Variants in DACH1 observed in about 807,000 individuals in gnomAD.
DACH1 encodes the protein dachshund family transcription factor 1.
Under a neutral mutation model 54.2 loss-of-function variants are expected in DACH1, and 12 were observed. The observed-to-expected ratio is 0.22, with a 90% CI of 0.14 to 0.36. The LOEUF is 0.36. DACH1 is among the 10% of genes least tolerant of loss of function. DACH1 has a pLI of 1.00. For synonymous variants in DACH1, 386 were observed against 366.2 expected (o/e 1.05, Z -0.62); for missense variants, 805 against 929.8 (o/e 0.87, Z 1.75).
intron 1 of DACH1, among the ~76,000 whole-genome samples, chr13:71,768,546 A>T (rs1056177594): frequency 6.6e-6 from 1 of 151,972 alleles, no homozygotes; most frequent in Non-Finnish European, 1.5e-5. Flanking sequence ...AATAAATAAG[A>T]TGTTTTTAAA....
chr13:71,752,487 T>TC (rs1884971049), intron 1 of DACH1, among the ~76,000 whole-genome samples: 1 of 83,188 alleles, frequency 1.2e-5, no homozygotes, highest in Non-Finnish European at 4.1e-5. Context: ...TCTCTCTTCC[T>TC]TTCTCTCTCT....
intron 1 of DACH1, among the ~76,000 whole-genome samples, chr13:71,727,085 G>A (rs1883506198): frequency 6.6e-6 from 1 of 151,876 alleles, no homozygotes; most frequent in Admixed American, 6.6e-5. Flanking sequence ...TGAGAAACAA[G>A]TCTTCAAAAA....
chr13:71,687,491 G>A, intron 1 of DACH1, among the ~76,000 whole-genome samples: 1 of 152,106 alleles, frequency 6.6e-6, no homozygotes, highest in Non-Finnish European at 1.5e-5. Context: ...AGACTGAAAG[G>A]AAATATGCTA....
intron 1 of DACH1, among the ~76,000 whole-genome samples, chr13:71,682,709 T>A (rs1045863979): frequency 6.6e-6 from 1 of 152,140 alleles, no homozygotes; most frequent in Non-Finnish European, 1.5e-5. Flanking sequence ...TAGCATCTCA[T>A]ATGTACCTTT....
chr13:71,602,281 C>T (rs1267439447), intron 3 of DACH1, among the ~76,000 whole-genome samples: 1 of 151,972 alleles, frequency 6.6e-6, no homozygotes, highest in Non-Finnish European at 1.5e-5. Flanking sequence ...AAATAAACTG[C>T]ATAATTGCAA....
At chr13:71,705,215 A>G (rs1286937458) in intron 1 of DACH1, among the ~76,000 whole-genome samples, 1 of 152,222 alleles carries the variant, frequency 6.6e-6, no homozygotes, top group African/African-American at 2.4e-5. Context: ...AGACTGTCAT[A>G]AATCTTGGAC....
intron 4 of DACH1, among the ~76,000 whole-genome samples, chr13:71,569,284 G>A (rs1413560760): frequency 6.6e-6 from 1 of 151,950 alleles, no homozygotes; most frequent in African/African-American, 2.4e-5. Context: ...TCTAACACAG[G>A]TATCGACAAA....
chr13:71,476,841 CT>C (rs1052015193), intron 8 of DACH1, among the ~76,000 whole-genome samples: 2 of 151,496 alleles, frequency 1.3e-5, no homozygotes, highest in Non-Finnish European at 2.9e-5. Context: ...ATGCATTTTT[CT>C]TTAAAATTAT....
chr13:71,623,341 A>T (rs1876386209), intron 3 of DACH1, among the ~76,000 whole-genome samples: 1 of 151,716 alleles, frequency 6.6e-6, no homozygotes, highest in Admixed American at 6.6e-5. Flanking sequence ...ATGACATTTT[A>T]AAATAATCTA....
At chr13:71,628,727 C>A (rs943400478) in intron 3 of DACH1, among the ~76,000 whole-genome samples, 4 of 152,044 alleles carry the variant, frequency 2.6e-5, no homozygotes, top group African/African-American at 9.7e-5. Flanking sequence ...AAGTAAGCTA[C>A]AATTTGGTTA....
intron 1 of DACH1, among the ~76,000 whole-genome samples, chr13:71,786,353 C>T (rs1397667202): frequency 6.6e-6 from 1 of 152,090 alleles, no homozygotes; most frequent in African/African-American, 2.4e-5. Context: ...CCTTGCATCC[C>T]ATCAGGATGG....
chr13:71,533,505 C>G (rs1280942087), intron 6 of DACH1, among the ~76,000 whole-genome samples: 2 of 151,892 alleles, frequency 1.3e-5, no homozygotes, highest in East Asian at 3.9e-4. Flanking sequence ...AAGTCATGAC[C>G]ACAGTTATTT....
At position 71,440,332 on chromosome 13, in the gene DACH1, A is replaced by T. The variant is rs1181508146; in HGVS notation, c.*323T>A. 2 of 216,850 alleles carry T rather than the reference A, an allele frequency of 9.2e-6. No homozygotes were observed. Among genetic ancestry groups the T allele is most frequent in the African/African-American group, 4.7e-5 (2 of 42,656 alleles). The allele number at this position is 216,850 out of a possible 1,614,324, so 13.4% of individuals were successfully genotyped here. Reference sequence around the variant, plus strand: ...AGAGGAAAATGGTTCATTCCATTAGAAAAAAACAAAGCTAGGTCTTATTCA... The same window carrying T: ...AGAGGAAAATGGTTCATTCCATTAGTAAAAAACAAAGCTAGGTCTTATTCA... On this transcript the variant is annotated 3_prime_UTR_variant, in exon 11 of 11. Transcript: ENST00000613252.
intron 3 of DACH1, among the ~76,000 whole-genome samples, chr13:71,574,358 C>A (rs181344603): frequency 1.3e-5 from 2 of 152,154 alleles, no homozygotes; most frequent in African/African-American, 4.8e-5. Flanking sequence ...TACAAACTAT[C>A]CACTTAGAGG....
intron 2 of DACH1, among the ~76,000 whole-genome samples, chr13:71,666,757 G>A (rs1345265207): frequency 6.6e-6 from 1 of 152,132 alleles, no homozygotes; most frequent in Non-Finnish European, 1.5e-5. Flanking sequence ...CAAGGCAGGT[G>A]GGTCACCTGA....
At chr13:71,586,434 G>GTA (rs1367766320) in intron 3 of DACH1, among the ~76,000 whole-genome samples, 2 of 152,082 alleles carry the variant, frequency 1.3e-5, no homozygotes, top group African/African-American at 4.8e-5. Flanking sequence ...GGTGCAAAGT[G>GTA]TATATCACAC....
At chr13:71,488,219 T>C (rs755330034) in intron 7 of DACH1, among the ~76,000 whole-genome samples, 7 of 152,174 alleles carry the variant, frequency 4.6e-5, no homozygotes, top group Non-Finnish European at 8.8e-5. Context: ...ACCAGCACAC[T>C]ATCAGCAACT....
At chr13:71,463,327 A>G (rs1876268282) in intron 10 of DACH1, among the ~76,000 whole-genome samples, 1 of 151,980 alleles carries the variant, frequency 6.6e-6, no homozygotes, top group African/African-American at 2.4e-5. Flanking sequence ...ATGCAAGCTA[A>G]TGAAAATGCC....
At chr13:71,525,851 T>A (rs1340951179) in intron 6 of DACH1, among the ~76,000 whole-genome samples, 3 of 152,146 alleles carry the variant, frequency 2.0e-5, no homozygotes, top group Non-Finnish European at 4.4e-5. Flanking sequence ...ATGGAAATTA[T>A]GAGATATCAC....
Sources: gnomAD v4.1 joint callset for allele counts (sites outside exome capture counted in the v4.1 genomes callset) on GRCh38, gnomAD v4.1.1 for gene constraint, MANE v1.5 for transcripts, NCBI Gene and HGNC (gene_info 2026-07-23, HGNC 2026-07-21) for gene names.